The following GALNTL6 variants were observed in gnomAD, a reference collection of about 807,000 sequenced individuals.
The protein encoded by GALNTL6 is polypeptide N-acetylgalactosaminyltransferase like 6.
In GALNTL6, 46 loss-of-function variants were observed where a neutral mutation model predicts 73.7. The observed-to-expected ratio is 0.62, with a 90% CI of 0.49 to 0.80. The LOEUF is 0.80. GALNTL6 is among the 30% of genes least tolerant of loss of function. GALNTL6 has a pLI of 0.00. For missense variants in GALNTL6, 604 were observed against 755.0 expected (o/e 0.80, Z 2.34); for synonymous variants, 259 against 263.7 (o/e 0.98, Z 0.17).
At chr4:172,109,787 C>T (rs1732798802) in intron 2 of GALNTL6, among the ~76,000 whole-genome samples, 4 of 152,130 alleles carry the variant, frequency 2.6e-5, no homozygotes, top group Non-Finnish European at 4.4e-5. Context: ...GATTTGCAGG[C>T]CCAGCACAAA....
intron 2 of GALNTL6, among the ~76,000 whole-genome samples, chr4:171,961,552 C>T (rs1739219802): frequency 6.6e-6 from 1 of 151,954 alleles, no homozygotes; most frequent in African/African-American, 2.4e-5. Context: ...AATAATCAGG[C>T]CAACTATAAT....
intron 9 of GALNTL6, among the ~76,000 whole-genome samples, chr4:172,944,668 G>A (rs1051334010): frequency 6.6e-6 from 1 of 152,204 alleles, no homozygotes; most frequent in Non-Finnish European, 1.5e-5. Flanking sequence ...TGTTCATACA[G>A]CTTTATTTGT....
At chr4:172,377,117 G>A (rs1050950660) in intron 5 of GALNTL6, among the ~76,000 whole-genome samples, 1 of 152,118 alleles carries the variant, frequency 6.6e-6, no homozygotes, top group African/African-American at 2.4e-5. Flanking sequence ...TCCCTTATCT[G>A]GCCCCAAACA....
chr4:172,844,422 G>T (rs185718681), intron 7 of GALNTL6, among the ~76,000 whole-genome samples: 2 of 152,214 alleles, frequency 1.3e-5, no homozygotes, highest in African/African-American at 4.8e-5. Context: ...CTCAGGCATC[G>T]ACAGCTAGAG....
chr4:172,868,196 T>G (rs928353339), intron 7 of GALNTL6, among the ~76,000 whole-genome samples: 6 of 152,178 alleles, frequency 3.9e-5, no homozygotes. Context: ...GATGCATAAA[T>G]ATAGATATAT....
intron 4 of GALNTL6, among the ~76,000 whole-genome samples, chr4:172,321,089 T>G (rs1740742685): frequency 6.6e-6 from 1 of 152,204 alleles, no homozygotes. Flanking sequence ...GATTTTATTA[T>G]TGTTGTTAAT....
At chr4:172,494,631 C>T (rs1289703975) in intron 5 of GALNTL6, among the ~76,000 whole-genome samples, 1 of 152,196 alleles carries the variant, frequency 6.6e-6, no homozygotes, top group African/African-American at 2.4e-5. Flanking sequence ...GTCAACAGTG[C>T]AGCCTTCAGT....
chr4:172,584,389 C>CA (rs1375859700), intron 5 of GALNTL6, among the ~76,000 whole-genome samples: 1 of 151,860 alleles, frequency 6.6e-6, no homozygotes, highest in African/African-American at 2.4e-5. Context: ...AAAAACAAAA[C>CA]AAAAAATAGA....
chr4:172,297,854 T>C (rs1221112691), intron 3 of GALNTL6, among the ~76,000 whole-genome samples: 1 of 152,038 alleles, frequency 6.6e-6, no homozygotes, highest in East Asian at 1.9e-4. Context: ...TGGTTCCATA[T>C]GAATTTTAAA....
intron 2 of GALNTL6, among the ~76,000 whole-genome samples, chr4:172,092,651 AC>A (rs1732237331): frequency 1.3e-5 from 2 of 152,048 alleles, no homozygotes; most frequent in Admixed American, 1.3e-4. Context: ...AAACGCAAAA[AC>A]TTTTACTCTT....
intron 5 of GALNTL6, among the ~76,000 whole-genome samples, chr4:172,547,604 A>T (rs993870825): frequency 6.6e-6 from 1 of 151,784 alleles, no homozygotes; most frequent in African/African-American, 2.4e-5. Flanking sequence ...CCTTTAGATC[A>T]TTTTTTTTCC....
chr4:172,906,003 A>C (rs1746870304), intron 8 of GALNTL6, among the ~76,000 whole-genome samples: 1 of 152,184 alleles, frequency 6.6e-6, no homozygotes, highest in South Asian at 2.1e-4. Context: ...GTCGGCAGCT[A>C]TCAATTCTCC....
chr4:172,756,573 A>G (rs367721601), intron 5 of GALNTL6, among the ~76,000 whole-genome samples: 6 of 152,130 alleles, frequency 3.9e-5, no homozygotes, highest in African/African-American at 1.2e-4. Flanking sequence ...TGAACCCAGA[A>G]GGCCGAAGTT....
Position 172,155,322 on chromosome 4 carries a change from G to A in GALNTL6, c.139-74334G>A, listed in dbSNP as rs552454116. ...CATCGTACCCTTTTAAAATAGGCCC[G>A]GGGAGCTTGTTCATTGCTTCCACCA... is the stretch of plus-strand genomic sequence containing the variant. On this transcript the variant is annotated intron_variant, in intron 2 of 12. Coordinates refer to ENST00000506823, the MANE Select transcript of GALNTL6 (RefSeq NM_001034845.3). Among the ~76,000 whole-genome samples the A allele has an allele frequency of 1.9e-4, 29 of 152,208 alleles. No individual in the cohort carries two copies. The South Asian group carries it at 5.6e-3, about 29-fold the overall frequency.
At chr4:172,159,000 T>C (rs1008701424) in intron 2 of GALNTL6, among the ~76,000 whole-genome samples, 2 of 152,160 alleles carry the variant, frequency 1.3e-5, no homozygotes, top group African/African-American at 4.8e-5. Flanking sequence ...AAAACCCAAT[T>C]TAGGTTAGAA....
chr4:172,196,060 G>GA (rs142100627), intron 2 of GALNTL6, among the ~76,000 whole-genome samples: 5,432 of 104,774 alleles, frequency 0.052, 359 homozygotes, highest in African/African-American at 0.17. Context: ...GACTAGTAAA[G>GA]AAAAAAAAAA....
chr4:172,599,811 C>T (rs1447153879), intron 5 of GALNTL6, among the ~76,000 whole-genome samples: 1 of 151,930 alleles, frequency 6.6e-6, no homozygotes, highest in African/African-American at 2.4e-5. Flanking sequence ...TTTGTACCAA[C>T]GAGTCATAGA....
intron 3 of GALNTL6, among the ~76,000 whole-genome samples, chr4:172,295,139 G>A (rs1178075378): frequency 1.3e-5 from 2 of 152,080 alleles, no homozygotes; most frequent in Non-Finnish European, 2.9e-5. Flanking sequence ...TAAAAATGAA[G>A]AGCTGGGCGT....
intron 2 of GALNTL6, among the ~76,000 whole-genome samples, chr4:171,981,737 T>C (rs13145737): frequency 0.49 from 74,555 of 151,904 alleles, 19,317 homozygotes; most frequent in Admixed American, 0.62. Context: ...GCTTAGCTAC[T>C]TTCAGTATAC....
Sources: gnomAD v4.1 joint callset for allele counts (sites outside exome capture counted in the v4.1 genomes callset) on GRCh38, gnomAD v4.1.1 for gene constraint, MANE v1.5 for transcripts, NCBI Gene and HGNC (gene_info 2026-07-23, HGNC 2026-07-21) for gene names.